Variants in IFNAR1 observed in about 807,000 individuals in gnomAD.
IFNAR1 encodes the protein interferon alpha and beta receptor subunit 1.
In IFNAR1, 47 loss-of-function variants were observed where a neutral mutation model predicts 62.1. That is an observed-to-expected ratio of 0.76 (90% confidence interval 0.60 to 0.97). The LOEUF (loss-of-function observed/expected upper bound fraction) is 0.97, where lower values mean the gene tolerates loss of function less well. Among genes scored for constraint, IFNAR1 ranks in the 50% least tolerant of loss-of-function variants. The probability of loss-of-function intolerance (pLI) is 0.00; values close to 1 mark genes in which losing one functional copy is unlikely to be tolerated. For synonymous variants in IFNAR1, 219 were observed against 226.9 expected (o/e 0.97, Z 0.31); for missense variants, 638 against 654.5 (o/e 0.97, Z 0.27).
chr21:33,355,866 A>C lies in IFNAR1; in HGVS notation c.*317A>C. On this transcript the variant is annotated 3_prime_UTR_variant, in exon 11 of 11. Coordinates refer to ENST00000270139, the MANE Select transcript of IFNAR1 (RefSeq NM_000629.3). Reference sequence around the variant, plus strand: ...CCCCATCTCTACTAAAAATACAAAAATTAGCCGGGTGTGGTGGCGCGCGCC... The same window carrying C: ...CCCCATCTCTACTAAAAATACAAAACTTAGCCGGGTGTGGTGGCGCGCGCC... 6.2e-6 allele frequency: 1 copy of C among 161,474 alleles called. No individual in the cohort carries two copies. The highest frequency in any genetic ancestry group is 1.4e-5 in the Non-Finnish European group (1 of 73,800). The allele number at this position is 161,474 out of a possible 1,614,324, so 10.0% of individuals were successfully genotyped here. A position where few individuals can be genotyped will look rare whatever the true frequency, so the allele number is the denominator to read the frequency against.
rs1464263187 is a variant in IFNAR1, at chr21:33,358,074, A to T, written c.*2525A>T. 1 of 152,248 alleles carries T rather than the reference A, an allele frequency of 6.6e-6. No homozygotes were observed. The highest frequency in any genetic ancestry group is 2.4e-5 in the African/African-American group (1 of 41,462). 9.4% of individuals were successfully genotyped at this position (152,248 alleles called of 1,614,324 possible). A position where few individuals can be genotyped will look rare whatever the true frequency, so the allele number is the denominator to read the frequency against. ...ACGGACATTAACATTAAAAGACACC[A>T]GTGAAATTGTTAGGTCTCTAGGAAG... On this transcript the variant is annotated 3_prime_UTR_variant, in exon 11 of 11. Coordinates refer to ENST00000270139, the MANE Select transcript of IFNAR1 (RefSeq NM_000629.3).
chr21:33,334,315 A>G (rs572217629), intron 1 of IFNAR1, among the ~76,000 whole-genome samples: 1 of 152,302 alleles, frequency 6.6e-6, no homozygotes, highest in African/African-American at 2.4e-5. Flanking sequence ...ACACCAAGAA[A>G]CAGTCAAACT....
At chr21:33,345,419 G>A (rs923542318) in intron 6 of IFNAR1, 59 bp downstream of exon 6, 28 of 913,346 alleles carry the variant, frequency 3.1e-5, no homozygotes, top group Non-Finnish European at 4.4e-5. Context: ...GCTTCTTTTC[G>A]CTCTGCATCA....
At chr21:33,333,521 CTT>C (rs1182143625) in intron 1 of IFNAR1, among the ~76,000 whole-genome samples, 2 of 150,628 alleles carry the variant, frequency 1.3e-5, no homozygotes, top group East Asian at 3.9e-4. Flanking sequence ...TATTAGAAAA[CTT>C]TAACAAAATG....
chr21:33,324,737 G>A (rs1228432592), upstream of IFNAR1: 10 of 418,932 alleles, frequency 2.4e-5, no homozygotes, highest in Non-Finnish European at 3.5e-5. Flanking sequence ...AGGCCGGAAA[G>A]AGTGAGGAAG....
At chr21:33,339,108 A>G (rs768167440) in intron 2 of IFNAR1, among the ~76,000 whole-genome samples, 6 of 152,186 alleles carry the variant, frequency 3.9e-5, no homozygotes, top group Non-Finnish European at 8.8e-5. Context: ...GATGTAAAAC[A>G]GTTTTAATGG....
In IFNAR1 at chr21:33,344,611, TTTG is replaced by T. The variant is rs548382641; in HGVS notation, c.674-632_674-630del. 7.6e-4 allele frequency among the ~76,000 whole-genome samples: 116 copies of T among 152,150 alleles called. 1 individual carries two copies. In the Middle Eastern group the frequency reaches 0.02, roughly 27 times the overall value. On this transcript the variant is annotated intron_variant, in intron 5 of 10. Transcript: ENST00000270139. Reference sequence around the variant, plus strand: ...TACACAGACCCACAGTTTCTTGGGTTTTGTTTTTTAAAATTACAAAATAAAATC... The same window carrying T: ...TACACAGACCCACAGTTTCTTGGGTTTTTTTTAAAATTACAAAATAAAATC...
Position 33,343,598 on chromosome 21 carries a change from T to A in IFNAR1, c.595T>A (p.Cys199Ser), listed in dbSNP as rs2123686018. The change falls in exon 5 of 11, where the codon TGT (cysteine) becomes AGT (serine). Residue 199 changes from cysteine to serine, a missense_variant. Cys to Ser is a moderately radical substitution (Grantham distance 112). Transcript: ENST00000270139. ...TAAACTCTCACCAGAGACTACTTAT[T>A]GTCTAAAAGTTAAAGCAGCACTACT... is the stretch of plus-strand genomic sequence containing the variant. ...IYKLSPETTYCLKVKAALLTS... is the reference protein window; with the variant it reads ...IYKLSPETTYSLKVKAALLTS... 1 of 1,579,606 alleles carries A rather than the reference T, an allele frequency of 6.3e-7. No homozygotes were observed. Among genetic ancestry groups the A allele is most frequent in the South Asian group, 1.1e-5 (1 of 90,352 alleles).
rs1175784097 is a variant in IFNAR1 at position 33,352,818 on chromosome 21, T to A, written c.1204T>A (p.Tyr402Asn). 6.3e-7 allele frequency: 1 copy of A among 1,590,160 alleles called. No homozygotes were observed. Among genetic ancestry groups the A allele is most frequent in the Non-Finnish European group, 8.6e-7 (1 of 1,162,126 alleles). ...TCCTAATTTGAAACCACTGACTGTA[T>A]ATTGTGTGAAAGCCAGAGCACACAC... is the stretch of plus-strand genomic sequence containing the variant. ...TVPNLKPLTVYCVKARAHTMD... is the reference protein window; with the variant it reads ...TVPNLKPLTVNCVKARAHTMD... The change falls in exon 9 of 11, where the codon TAT becomes AAT. Residue 402 changes from tyrosine to asparagine, a missense_variant. Physicochemically the swap from Tyr to Asn is moderately radical, Grantham distance 143. Transcript: ENST00000270139.
intron 6 of IFNAR1, among the ~76,000 whole-genome samples, chr21:33,346,033 T>G (rs796808828): frequency 3.9e-5 from 6 of 152,336 alleles, no homozygotes; most frequent in African/African-American, 1.4e-4. Context: ...CAGTGTTGTA[T>G]GATCACACCT....
At chr21:33,348,110 T>C (rs1018665201) in intron 6 of IFNAR1, among the ~76,000 whole-genome samples, 7 of 152,224 alleles carry the variant, frequency 4.6e-5, no homozygotes, top group Non-Finnish European at 1.0e-4. Flanking sequence ...TGCTTTTAGC[T>C]GTTGGTTTCT....
Position 33,349,507 on chromosome 21 carries a change from T to C in IFNAR1, c.1107T>C (p.Tyr369=), listed in dbSNP as rs1459864055. ...TPVIQDYPLI[Y]EIIFWENTSN... ...TGATCCAGGATTATCCACTGATTTA[T>C]GAAATTATTTTTTGGGAAAACACTT... is the stretch of plus-strand genomic sequence containing the variant. The change falls in exon 8 of 11, where the codon TAT becomes TAC. Residue 369 remains tyrosine (Y), a synonymous_variant. Transcript: ENST00000270139. 4 of 1,611,670 alleles carry C rather than the reference T, an allele frequency of 2.5e-6. No homozygotes were observed. Among genetic ancestry groups the C allele is most frequent in the Non-Finnish European group, 3.4e-6 (4 of 1,178,486 alleles).
In IFNAR1 at chr21:33,349,095, T is replaced by C; in HGVS notation, c.793T>C (p.Phe265Leu). 2 of 1,581,592 alleles carry C rather than the reference T, an allele frequency of 1.3e-6. No homozygotes were observed. Among genetic ancestry groups the C allele is most frequent in the Non-Finnish European group, 1.7e-6 (2 of 1,164,622 alleles). The change falls in exon 7 of 11, where the codon TTT becomes CTT. Residue 265 changes from phenylalanine to leucine, a missense_variant. Coordinates refer to ENST00000270139, the MANE Select transcript of IFNAR1 (RefSeq NM_000629.3). ...MTFQVQWLHA[F>L]LKRNPGNHLY... ...AAAAAATATTTGTCTTAAAAGCGCC[T>C]TTTTAAAAAGGAATCCTGGAAACCA...
intron 1 of IFNAR1, among the ~76,000 whole-genome samples, chr21:33,332,138 G>A (rs16990552): frequency 0.12 from 18,227 of 152,158 alleles, 1,839 homozygotes; most frequent in African/African-American, 0.27. Context: ...ACCAAGAGGT[G>A]TTGCCTTGGC....
At position 33,337,639 on chromosome 21, in the gene IFNAR1, A is replaced by C. The variant is rs200721231; in HGVS notation, c.200+1992A>C. 5.8e-3 allele frequency among the ~76,000 whole-genome samples: 302 copies of C among 51,920 alleles called. 1 individual carries two copies. Among genetic ancestry groups the C allele is most frequent in the African/African-American group, 0.02 (284 of 14,496 alleles). The allele number at this position is 51,920 out of a possible 152,430, so 34.1% of individuals were successfully genotyped here. A position where few individuals can be genotyped will look rare whatever the true frequency, so the allele number is the denominator to read the frequency against. On this transcript the variant is annotated intron_variant, in intron 2 of 10. Transcript: ENST00000270139. Reference sequence around the variant, plus strand: ...CACTGTATATATGCATATATACACTATATATATACATACTGTATATATACA... The same window carrying C: ...CACTGTATATATGCATATATACACTCTATATATACATACTGTATATATACA...
chr21:33,355,032 C>T (rs2083434214), intron 10 of IFNAR1, among the ~76,000 whole-genome samples: 1 of 151,868 alleles, frequency 6.6e-6, no homozygotes, highest in Non-Finnish European at 1.5e-5. Context: ...CCGCTCCTGT[C>T]CTTTCCCGTG....
rs768710656 is a variant in IFNAR1, at chr21:33,349,185, C to G, written c.883C>G (p.Gln295Glu). The change falls in exon 7 of 11, where the codon CAA (glutamine) becomes GAA (glutamate). Residue 295 changes from glutamine to glutamate, a missense_variant. Physicochemically the swap from Gln to Glu is conservative, Grantham distance 29 (BLOSUM62 2). Coordinates refer to ENST00000270139, the MANE Select transcript of IFNAR1 (RefSeq NM_000629.3). Reference sequence around the variant, plus strand: ...CAAAACTACCCAGTGTGTCTTTCCTCAAAACGTTTTCCAAAAAGGAATTTA... The same window carrying G: ...CAAAACTACCCAGTGTGTCTTTCCTGAAAACGTTTTCCAAAAAGGAATTTA... ...NVKTTQCVFP[Q>E]NVFQKGIYLL... 6.2e-7 allele frequency: 1 copy of G among 1,613,140 alleles called. No homozygotes were observed.
chr21:33,331,933 G>T (rs1163128193), intron 1 of IFNAR1, among the ~76,000 whole-genome samples: 2 of 152,118 alleles, frequency 1.3e-5, no homozygotes, highest in South Asian at 2.1e-4. Context: ...GCACCTCCAG[G>T]TCACAAATCC....
In IFNAR1 at chr21:33,355,569, A is replaced by C; in HGVS notation, c.*20A>C. ...GTATGACCAGAAATGAACTGTGTCA[A>C]GTATAAGGTTTTTCAGCAGGAGTTA... On this transcript the variant is annotated 3_prime_UTR_variant, in exon 11 of 11. Transcript: ENST00000270139. The C allele has an allele frequency of 2.2e-6, 3 of 1,387,144 alleles. No homozygotes were observed. The highest frequency in any genetic ancestry group is 3.0e-6 in the Non-Finnish European group (3 of 1,008,908). 85.9% of individuals were successfully genotyped at this position (1,387,144 alleles called of 1,614,324 possible). A position where few individuals can be genotyped will look rare whatever the true frequency, so the allele number is the denominator to read the frequency against.
Sources: gnomAD v4.1 joint callset for allele counts (sites outside exome capture counted in the v4.1 genomes callset) on GRCh38, gnomAD v4.1.1 for gene constraint, MANE v1.5 for transcripts, NCBI Gene and HGNC (gene_info 2026-07-23, HGNC 2026-07-21) for gene names.